ITPKB: variants seen among roughly 807,000 people sequenced by gnomAD.
ITPKB encodes inositol-trisphosphate 3-kinase B.
ITPKB carries 13 observed loss-of-function variants against 69.4 expected under a neutral mutation model. That is an observed-to-expected ratio of 0.19 (90% confidence interval 0.12 to 0.30). ITPKB has a LOEUF of 0.30. ITPKB is among the 10% of genes least tolerant of loss of function. The probability of loss-of-function intolerance (pLI) is 1.00; values close to 1 mark genes in which losing one functional copy is unlikely to be tolerated. For missense variants in ITPKB, 1,240 were observed against 1,250.5 expected, an observed-to-expected ratio of 0.99 and a Z score of 0.13; for synonymous variants, 584 against 513.7, an observed-to-expected ratio of 1.14 and a Z score of -1.85.
Position 226,737,629 on chromosome 1 carries a change from A to G in ITPKB, c.-171T>C. Reference sequence around the variant, plus strand: ...GGGCTGGGGGCACGACCGCGGGCTCAGCCCCCGCCCAAAGCTCCATAAACA... The same window carrying G: ...GGGCTGGGGGCACGACCGCGGGCTCGGCCCCCGCCCAAAGCTCCATAAACA... On this transcript the variant is annotated 5_prime_UTR_variant, in exon 2 of 8. Transcript: ENST00000429204. 1 of 1,120,872 alleles carries G rather than the reference A, an allele frequency of 8.9e-7. No homozygotes were observed. Among genetic ancestry groups the G allele is most frequent in the Non-Finnish European group, 1.1e-6 (1 of 918,016 alleles). 69.4% of individuals were successfully genotyped at this position (1,120,872 alleles called of 1,614,324 possible).
At chr1:226,696,875 G>T (rs1327105399) in intron 2 of ITPKB, among the ~76,000 whole-genome samples, 2 of 152,150 alleles carry the variant, frequency 1.3e-5, no homozygotes, top group Non-Finnish European at 2.9e-5. Flanking sequence ...GGGGCCGGGG[G>T]GTTAGCACAA....
At chr1:226,711,484 A>G (rs1656959194) in intron 2 of ITPKB, among the ~76,000 whole-genome samples, 1 of 150,836 alleles carries the variant, frequency 6.6e-6, no homozygotes, top group Admixed American at 6.6e-5. Context: ...ATGTTGCACA[A>G]TGGCAAATAG....
chr1:226,725,772 T>A (rs1657392931), intron 2 of ITPKB, among the ~76,000 whole-genome samples: 1 of 152,176 alleles, frequency 6.6e-6, no homozygotes, highest in Non-Finnish European at 1.5e-5. Flanking sequence ...CAGTCTACAA[T>A]GGCCGAGATG....
At chr1:226,716,838 A>G (rs936988473) in intron 2 of ITPKB, among the ~76,000 whole-genome samples, 1 of 152,226 alleles carries the variant, frequency 6.6e-6, no homozygotes, top group African/African-American at 2.4e-5. Flanking sequence ...TCCATTCCCC[A>G]GGCTCAGGGA....
intron 2 of ITPKB, among the ~76,000 whole-genome samples, chr1:226,701,836 G>A (rs1465987673): frequency 6.6e-6 from 1 of 152,078 alleles, no homozygotes; most frequent in African/African-American, 2.4e-5. Context: ...ATGTCATGAT[G>A]ACTGAATCCT....
chr1:226,730,278 T>C (rs928949349), intron 2 of ITPKB, among the ~76,000 whole-genome samples: 2 of 152,176 alleles, frequency 1.3e-5, no homozygotes, highest in African/African-American at 4.8e-5. Flanking sequence ...GTCACTTGGT[T>C]TGGTAAGTTA....
intron 2 of ITPKB, among the ~76,000 whole-genome samples, chr1:226,682,704 A>G (rs1656118253): frequency 6.6e-6 from 1 of 152,190 alleles, no homozygotes; most frequent in African/African-American, 2.4e-5. Flanking sequence ...AGTACCCTTC[A>G]GAGGGGACCC....
At chr1:226,654,436 T>TTC (rs1669250274) in intron 2 of ITPKB, among the ~76,000 whole-genome samples, 1 of 152,132 alleles carries the variant, frequency 6.6e-6, no homozygotes, top group Non-Finnish European at 1.5e-5. Flanking sequence ...ACATTTTGTC[T>TTC]CCCTTTTCCT....
At chr1:226,682,164 T>TC (rs201085764) in intron 2 of ITPKB, among the ~76,000 whole-genome samples, 2,013 of 150,786 alleles carry the variant, frequency 0.013, 25 homozygotes, top group African/African-American at 0.03. Context: ...GTTGCCTGGG[T>TC]CCCCCCCCGC....
chr1:226,666,646 G>A (rs568777641), intron 2 of ITPKB, among the ~76,000 whole-genome samples: 1 of 152,202 alleles, frequency 6.6e-6, no homozygotes, highest in East Asian at 1.9e-4. Context: ...TTACCACCCT[G>A]ACAACTCTCC....
Position 226,641,989 on chromosome 1 carries a change from G to A in ITPKB, c.2383C>T (p.Arg795Trp), listed in dbSNP as rs984753711. 6.2e-7 allele frequency: 1 copy of A among 1,614,100 alleles called. No individual in the cohort carries two copies. Among genetic ancestry groups the A allele is most frequent in the Non-Finnish European group, 8.5e-7 (1 of 1,180,050 alleles). ...EKAQRAVTKP[R>W]YMQWRETISS... The stretch of plus-strand genomic sequence containing the variant: ...ATGGTCTCCCGCCACTGCATGTACC[G>A]TGGCTTGGTCACAGCCCGCTGTGCT... The change falls in exon 5 of 8, where the codon CGG (arginine) becomes TGG (tryptophan). Residue 795 changes from arginine to tryptophan, a missense_variant. Around this residue, in one of 2 missense-constraint regions of ITPKB, gnomAD observed 248 missense variants for 396.7 expected, o/e 0.63. Coordinates refer to ENST00000429204, the MANE Select transcript of ITPKB (RefSeq NM_002221.4). The surrounding 1 kb of genome is among the most constrained non-coding windows in gnomAD (Gnocchi z 4.6).
At chr1:226,677,971 G>A (rs1571854782) in intron 2 of ITPKB, among the ~76,000 whole-genome samples, 2 of 152,044 alleles carry the variant, frequency 1.3e-5, no homozygotes, top group African/African-American at 2.4e-5. Flanking sequence ...GGTATTTCGC[G>A]TGCATTATTT....
chr1:226,679,884 C>T (rs1656035636), intron 2 of ITPKB, among the ~76,000 whole-genome samples: 1 of 152,226 alleles, frequency 6.6e-6, no homozygotes, highest in Admixed American at 6.5e-5. Context: ...ACCAGTGAAA[C>T]TGCCCTCACT....
intron 2 of ITPKB, among the ~76,000 whole-genome samples, chr1:226,672,269 C>T (rs1215684562): frequency 1.3e-5 from 2 of 152,220 alleles, no homozygotes; most frequent in Non-Finnish European, 2.9e-5. Flanking sequence ...TAAATAATCA[C>T]CTCTTGAAGC....
chr1:226,724,695 C>G (rs372373263), intron 2 of ITPKB, among the ~76,000 whole-genome samples: 3 of 152,306 alleles, frequency 2.0e-5, no homozygotes, highest in East Asian at 3.9e-4. Context: ...TTCCCCTCCC[C>G]CTAGAGCTCT....
chr1:226,667,277 C>T (rs1251264121), intron 2 of ITPKB, among the ~76,000 whole-genome samples: 3 of 152,160 alleles, frequency 2.0e-5, no homozygotes, highest in Admixed American at 6.5e-5. Flanking sequence ...CCCTACCTGG[C>T]ACACTGCTTT....
intron 2 of ITPKB, among the ~76,000 whole-genome samples, chr1:226,682,862 G>GC (rs1466072160): frequency 1.3e-5 from 2 of 152,132 alleles, no homozygotes; most frequent in Admixed American, 1.3e-4. Flanking sequence ...CTTTTTCTCT[G>GC]CAAGTTGAGC....
chr1:226,641,196 T>C lies in ITPKB; in HGVS notation c.2451+725A>G, dbSNP rs143630849. On this transcript the variant is annotated intron_variant, in intron 5 of 7. Coordinates refer to ENST00000429204, the MANE Select transcript of ITPKB (RefSeq NM_002221.4). This position sits in a 1 kb window ranked among gnomAD's most constrained non-coding sequence, Gnocchi z 4.6. ...AATCCAGACAGTGCCAGTTCCCCAA[T>C]TTATTCTGGGGAAAGTAAATCAACA... is the stretch of plus-strand genomic sequence containing the variant. 0.014 allele frequency among the ~76,000 whole-genome samples: 2,177 copies of C among 152,304 alleles called. 27 individuals carry two copies. Among genetic ancestry groups the C allele is most frequent in the Non-Finnish European group, 0.023 (1,561 of 68,020 alleles).
chr1:226,637,638 G>A lies in ITPKB; in HGVS notation c.2625+41C>T, dbSNP rs762988028. 18 of 1,487,692 alleles carry A rather than the reference G, an allele frequency of 1.2e-5. No individual in the cohort carries two copies. The highest frequency in any genetic ancestry group is 1.1e-4 in the African/African-American group (8 of 72,354). 92.2% of individuals were successfully genotyped at this position (1,487,692 alleles called of 1,614,324 possible). A position where few individuals can be genotyped will look rare whatever the true frequency, so the allele number is the denominator to read the frequency against. ...GGAGAAGGAGAAGGCCTGTTGGCAC[G>A]CGCAGCATTCTGCTCAAGAGGGCAA... On this transcript the variant is annotated intron_variant, in intron 7 of 7. Transcript: ENST00000429204. The surrounding 1 kb of genome is among the most constrained non-coding windows in gnomAD (Gnocchi z 4.3).
Sources: gnomAD v4.1 joint callset for allele counts (sites outside exome capture counted in the v4.1 genomes callset) on GRCh38, gnomAD v4.1.1 for gene constraint, gnomAD v4.1.1 regional missense constraint, Gnocchi (gnomAD v3.1) non-coding constraint, MANE v1.5 for transcripts, NCBI Gene and HGNC (gene_info 2026-07-23, HGNC 2026-07-21) for gene names.